Variants in DOCK10 observed in about 807,000 individuals in gnomAD.
DOCK10 encodes dedicator of cytokinesis protein 10.
Under a neutral mutation model 280.1 loss-of-function variants are expected in DOCK10, and 145 were observed. That is an observed-to-expected ratio of 0.52 (90% confidence interval 0.45 to 0.59). The LOEUF (loss-of-function observed/expected upper bound fraction) is 0.59. Among genes scored for constraint, DOCK10 ranks in the 20% least tolerant of loss-of-function variants. DOCK10 has a pLI of 0.00. For synonymous variants in DOCK10, 915 were observed against 942.2 expected (o/e 0.97, Z 0.53); for missense variants, 2,368 against 2,651.7 (o/e 0.89, Z 2.35).
intron 22 of DOCK10, among the ~76,000 whole-genome samples, chr2:224,842,540 G>T (rs1339906307): frequency 1.3e-5 from 2 of 152,148 alleles, no homozygotes; most frequent in African/African-American, 2.4e-5. Context: ...TTCCAGAAAG[G>T]CATTTGTAGC....
intron 29 of DOCK10, among the ~76,000 whole-genome samples, chr2:224,818,284 C>G (rs776491743): frequency 1.3e-5 from 2 of 151,850 alleles, no homozygotes; most frequent in African/African-American, 2.4e-5. Context: ...TAAGTACACT[C>G]TATGATAGTC....
chr2:224,929,539 T>C (rs1189491021), intron 2 of DOCK10, among the ~76,000 whole-genome samples: 2 of 152,118 alleles, frequency 1.3e-5, no homozygotes, highest in Non-Finnish European at 2.9e-5. Context: ...GAAGCAGGCA[T>C]TGGGTCATGC....
intron 24 of DOCK10, among the ~76,000 whole-genome samples, chr2:224,838,889 C>T (rs1470493754): frequency 1.3e-5 from 2 of 152,070 alleles, no homozygotes; most frequent in African/African-American, 2.4e-5. Flanking sequence ...AAAGTGAGAA[C>T]AGTTAAAGCA....
At chr2:225,035,566 A>ATTATAT (rs1303020875) in intron 1 of DOCK10, among the ~76,000 whole-genome samples, 1 of 54,622 alleles carries the variant, frequency 1.8e-5, no homozygotes, top group Non-Finnish European at 4.6e-5. Context: ...ATATATATAT[A>ATTATAT]TATATATATA....
chr2:224,944,223 T>C (rs370797421), intron 1 of DOCK10, among the ~76,000 whole-genome samples: 11 of 152,156 alleles, frequency 7.2e-5, no homozygotes, highest in Non-Finnish European at 1.6e-4. Context: ...CCCCAAGCAC[T>C]CAGCTTAATG....
chr2:224,845,455 C>A, intron 20 of DOCK10, 64 bp downstream of exon 20: 1 of 1,568,416 alleles, frequency 6.4e-7, no homozygotes, highest in Non-Finnish European at 8.6e-7. Flanking sequence ...GCTTTGAAAA[C>A]ACTCTCCAAA....
intron 1 of DOCK10, among the ~76,000 whole-genome samples, chr2:224,999,339 C>T (rs1401130867): frequency 6.6e-6 from 1 of 151,888 alleles, no homozygotes; most frequent in Non-Finnish European, 1.5e-5. Context: ...CATGCCCTAC[C>T]TCATTCATAG....
chr2:224,905,679 A>G (rs1282835843), intron 3 of DOCK10, among the ~76,000 whole-genome samples: 1 of 152,160 alleles, frequency 6.6e-6, no homozygotes, highest in East Asian at 1.9e-4. Context: ...AAATCCAGTG[A>G]GCCCCCATCT....
At chr2:224,850,710 A>C (rs1696674048) in intron 18 of DOCK10, among the ~76,000 whole-genome samples, 1 of 152,068 alleles carries the variant, frequency 6.6e-6, no homozygotes, top group African/African-American at 2.4e-5. Context: ...CGCTTCCCCC[A>C]TGCTGTTCTC....
At chr2:224,780,917 T>A (rs1691286302) in intron 50 of DOCK10, among the ~76,000 whole-genome samples, 2 of 150,796 alleles carry the variant, frequency 1.3e-5, no homozygotes, top group African/African-American at 4.9e-5. Context: ...AAAAAATGTA[T>A]TGCGGCCTTG....
chr2:224,781,540 T>C (rs1011074137), intron 50 of DOCK10, among the ~76,000 whole-genome samples: 3 of 152,166 alleles, frequency 2.0e-5, no homozygotes, highest in Non-Finnish European at 2.9e-5. Context: ...TTCAGCTCTG[T>C]CTATGATATA....
At chr2:224,904,996 C>T (rs373761754) in intron 3 of DOCK10, among the ~76,000 whole-genome samples, 1 of 152,122 alleles carries the variant, frequency 6.6e-6, no homozygotes, top group East Asian at 1.9e-4. Context: ...TAATTTTCTT[C>T]ACTATGTTTA....
At chr2:225,025,509 T>A (rs1352561302) in intron 1 of DOCK10, among the ~76,000 whole-genome samples, 1 of 152,188 alleles carries the variant, frequency 6.6e-6, no homozygotes, top group African/African-American at 2.4e-5. Flanking sequence ...GTTCAACAGC[T>A]AAAAATTCCA....
intron 3 of DOCK10, among the ~76,000 whole-genome samples, chr2:224,905,569 T>C (rs1297550083): frequency 6.6e-6 from 1 of 152,188 alleles, no homozygotes; most frequent in African/African-American, 2.4e-5. Flanking sequence ...TTTTTAACTT[T>C]GGTATGCTTT....
chr2:224,877,084 C>T lies in DOCK10; in HGVS notation c.748-863G>A, dbSNP rs1020118056. On this transcript the variant is annotated intron_variant, in intron 7 of 55. Coordinates refer to ENST00000258390, the MANE Select transcript of DOCK10 (RefSeq NM_014689.3). ...ACAAGGAAGGCCTGAGACAGGCTGG[C>T]CCCCTCCACCACACATGCGCTCAAA... 1.1e-3 allele frequency among the ~76,000 whole-genome samples: 172 copies of T among 152,262 alleles called. 1 individual carries two copies. Among genetic ancestry groups the T allele is most frequent in the Non-Finnish European group, 2.0e-3 (137 of 68,014 alleles).
At chr2:224,837,899 T>A (rs1444631900) in intron 24 of DOCK10, 68 bp from the exon 25 acceptor site, 3 of 1,208,626 alleles carry the variant, frequency 2.5e-6, no homozygotes, top group Non-Finnish European at 3.7e-6. Context: ...AGTTTGTCAT[T>A]ACAGTGCTTT....
chr2:224,845,505 C>G lies in DOCK10; in HGVS notation c.2359+14G>C. ...AGACATGTGACTCTGCCTCAGATTTCTTCCTGGCAGTACCTGACGTTTCCA... is the reference window on the plus strand; with the variant it reads ...AGACATGTGACTCTGCCTCAGATTTGTTCCTGGCAGTACCTGACGTTTCCA... On this transcript the variant is annotated intron_variant, in intron 20 of 55. Transcript: ENST00000258390. The G allele has an allele frequency of 1.9e-6, 3 of 1,606,056 alleles. No homozygotes were observed. Among genetic ancestry groups the G allele is most frequent in the Non-Finnish European group, 2.5e-6 (3 of 1,177,354 alleles).
At chr2:224,855,684 G>A (rs1697079254) in intron 15 of DOCK10, among the ~76,000 whole-genome samples, 1 of 152,160 alleles carries the variant, frequency 6.6e-6, no homozygotes, top group African/African-American at 2.4e-5. Flanking sequence ...TTCCTTTAGA[G>A]TAAAGTGGAA....
intron 1 of DOCK10, among the ~76,000 whole-genome samples, chr2:224,934,368 A>T (rs1702563636): frequency 6.6e-6 from 1 of 152,192 alleles, no homozygotes; most frequent in Non-Finnish European, 1.5e-5. Context: ...GGAGGAATAG[A>T]TTGGTGAAAT....
Sources: gnomAD v4.1 joint callset for allele counts (sites outside exome capture counted in the v4.1 genomes callset) on GRCh38, gnomAD v4.1.1 for gene constraint, MANE v1.5 for transcripts, NCBI Gene and HGNC (gene_info 2026-07-23, HGNC 2026-07-21) for gene names.